Variants in RNF20 observed in about 807,000 individuals in gnomAD.
RNF20 encodes E3 ubiquitin-protein ligase BRE1A.
RNF20 carries 84 observed loss-of-function variants against 126.2 expected under a neutral mutation model. That is an observed-to-expected ratio of 0.67 (90% confidence interval 0.56 to 0.80). The LOEUF (loss-of-function observed/expected upper bound fraction) is 0.80. Ranked by LOEUF, RNF20 falls within the 30% of genes least tolerant of loss-of-function variation. RNF20 has a pLI of 0.00. For synonymous variants in RNF20, 400 were observed against 414.3 expected, an observed-to-expected ratio of 0.97 and a Z score of 0.42; for missense variants, 869 against 1,188.2, an observed-to-expected ratio of 0.73 and a Z score of 3.95.
chr9:101,549,648 A>T (rs534533327), intron 9 of RNF20, among the ~76,000 whole-genome samples: 1 of 152,202 alleles, frequency 6.6e-6, no homozygotes, highest in African/African-American at 2.4e-5. Flanking sequence ...CTACCGCTAG[A>T]CCACGGTCCA....
chr9:101,563,132 A>C lies in RNF20; in HGVS notation c.*710A>C, dbSNP rs1161817679. 2 of 152,590 alleles carry C rather than the reference A, an allele frequency of 1.3e-5. No homozygotes were observed. The highest frequency in any genetic ancestry group is 2.9e-5 in the Non-Finnish European group (2 of 68,024). The allele number at this position is 152,590 out of a possible 1,614,324, so 9.5% of individuals were successfully genotyped here. A position where few individuals can be genotyped will look rare whatever the true frequency, so the allele number is the denominator to read the frequency against. On this transcript the variant is annotated 3_prime_UTR_variant, in exon 20 of 20. Coordinates refer to ENST00000389120, the MANE Select transcript of RNF20 (RefSeq NM_019592.7). Reference sequence around the variant, plus strand: ...TGACCCTTTGTCTTCTAATGAAATAAAGATTGAAGAGGTTGAGTCAGGACT... The same window carrying C: ...TGACCCTTTGTCTTCTAATGAAATACAGATTGAAGAGGTTGAGTCAGGACT...
Position 101,557,529 on chromosome 9 carries a change from A to C in RNF20, c.2315A>C (p.Gln772Pro). Reference sequence around the variant, plus strand: ...ATGTCAGAGCGTATCAAGTCCAATCAGATCCATAAGTTGCTTAAAGAAGAG... The same window carrying C: ...ATGTCAGAGCGTATCAAGTCCAATCCGATCCATAAGTTGCTTAAAGAAGAG... ...KLMSERIKSN[Q>P]IHKLLKEEKE... The change falls in exon 16 of 20, where the codon CAG becomes CCG. Residue 772 changes from glutamine (Q) to proline (P), a missense_variant. Coordinates refer to ENST00000389120, the MANE Select transcript of RNF20 (RefSeq NM_019592.7). 6.2e-7 allele frequency: 1 copy of C among 1,614,080 alleles called. No individual in the cohort carries two copies. Among genetic ancestry groups the C allele is most frequent in the Non-Finnish European group, 8.5e-7 (1 of 1,179,936 alleles).
At chr9:101,551,188 T>C (rs1487463337) in intron 10 of RNF20, among the ~76,000 whole-genome samples, 1 of 152,170 alleles carries the variant, frequency 6.6e-6, no homozygotes, top group Admixed American at 6.5e-5. Flanking sequence ...ACAGCACATA[T>C]AAAGGTATGA....
chr9:101,540,653 G>A lies in RNF20; in HGVS notation c.445+16G>A. 6.2e-7 allele frequency: 1 copy of A among 1,613,440 alleles called. No homozygotes were observed. Among genetic ancestry groups the A allele is most frequent in the Middle Eastern group, 1.7e-4 (1 of 5,984 alleles). On this transcript the variant is annotated intron_variant, in intron 4 of 19. Transcript: ENST00000389120. ...CGAGAGAGAGGCAAGTGTTCGTGATGGATTCTATCACTGCATGCTATCTGG... is the reference window on the plus strand; with the variant it reads ...CGAGAGAGAGGCAAGTGTTCGTGATAGATTCTATCACTGCATGCTATCTGG...
At chr9:101,552,104 C>A in intron 11 of RNF20, 37 bp from the exon 12 acceptor site, 1 of 1,613,748 alleles carries the variant, frequency 6.2e-7, no homozygotes, top group Non-Finnish European at 8.5e-7. Context: ...TTGCCCTTAC[C>A]ACGGTTCCTC....
chr9:101,538,175 G>T (rs2118671175), intron 2 of RNF20, among the ~76,000 whole-genome samples: 1 of 152,232 alleles, frequency 6.6e-6, no homozygotes, highest in East Asian at 1.9e-4. Context: ...GCTTATAGAG[G>T]ACATGTAGGT....
rs928019585 is a variant in RNF20, at chr9:101,563,023, T to C, written c.*601T>C. On this transcript the variant is annotated 3_prime_UTR_variant, in exon 20 of 20. Transcript: ENST00000389120. ...AGTAACTTGTTAAGATCAGCTGGCT[T>C]TCTTGTTAAAGTTATTTAAGTTTTG... is the stretch of plus-strand genomic sequence containing the variant. The C allele has an allele frequency of 1.3e-5, 2 of 152,248 alleles. No homozygotes were observed. Among genetic ancestry groups the C allele is most frequent in the African/African-American group, 4.8e-5 (2 of 41,460 alleles). The allele number at this position is 152,248 out of a possible 1,614,324, so 9.4% of individuals were successfully genotyped here. A position where few individuals can be genotyped will look rare whatever the true frequency, so the allele number is the denominator to read the frequency against.
In RNF20 at chr9:101,540,554, T is replaced by G. The variant is rs1397597131; in HGVS notation, c.362T>G (p.Leu121Arg). 1.2e-6 allele frequency: 2 copies of G among 1,614,022 alleles called. No individual in the cohort carries two copies. ...YDLEQGLGDLLTERKALVVPE... is the reference protein window; with the variant it reads ...YDLEQGLGDLRTERKALVVPE... ...CTGGAGCAGGGCTTGGGAGACCTAC[T>G]CACAGAACGAAAAGCCCTTGTTGTG... Residue 121 changes from leucine to arginine, a missense_variant, in exon 4 of 20, where the codon CTC (leucine) becomes CGC (arginine). Coordinates refer to ENST00000389120, the MANE Select transcript of RNF20 (RefSeq NM_019592.7).
At chr9:101,546,174 G>T (rs1227295702) in intron 6 of RNF20, among the ~76,000 whole-genome samples, 1 of 152,092 alleles carries the variant, frequency 6.6e-6, no homozygotes, top group African/African-American at 2.4e-5. Flanking sequence ...GGATTTTTGT[G>T]TCATGTTTTA....
intron 9 of RNF20, among the ~76,000 whole-genome samples, chr9:101,549,171 C>A (rs890549427): frequency 6.6e-6 from 1 of 152,112 alleles, no homozygotes; most frequent in Non-Finnish European, 1.5e-5. Context: ...TTGCGGAGAC[C>A]GGTAGTGGCC....
intron 1 of RNF20, 76 bp from the exon 2 acceptor site, chr9:101,535,322 T>C: frequency 8.2e-7 from 1 of 1,219,874 alleles, no homozygotes; most frequent in Non-Finnish European, 1.1e-6. Flanking sequence ...AAGTTGCTAG[T>C]TTTTACTCTA....
rs769463018 is a variant in RNF20, at chr9:101,547,475, G to A, written c.1049G>A (p.Arg350Gln). ...QNRLCELEKL[R>Q]QDFEEVTTQN... ...CGTCTCTGTGAGCTGGAGAAACTTC[G>A]GCAAGACTTTGAGGAGGTCACTACA... The change falls in exon 9 of 20, where the codon CGG becomes CAG. Residue 350 changes from arginine to glutamine, a missense_variant. This residue lies in a region of RNF20 where 153 missense variants were observed against 226.4 expected (regional missense o/e 0.68). Coordinates refer to ENST00000389120, the MANE Select transcript of RNF20 (RefSeq NM_019592.7). 1.3e-5 allele frequency: 21 copies of A among 1,613,994 alleles called. No individual in the cohort carries two copies. The highest frequency in any genetic ancestry group is 1.0e-4 in the Admixed American group (6 of 59,996).
At chr9:101,552,864 A>T in intron 13 of RNF20, 111 bp downstream of exon 13, 1 of 1,112,998 alleles carries the variant, frequency 9.0e-7, no homozygotes, top group Non-Finnish European at 1.3e-6. Context: ...AATGTTTTAG[A>T]TTGTACAATT....
chr9:101,534,879 T>G (rs1827157322), intron 1 of RNF20, among the ~76,000 whole-genome samples: 1 of 152,116 alleles, frequency 6.6e-6, no homozygotes, highest in African/African-American at 2.4e-5. Context: ...ATTTAGAAAT[T>G]TATAGTCATG....
At chr9:101,534,019 C>T (rs976002682) in intron 1 of RNF20, 105 bp downstream of exon 1, 2 of 152,250 alleles carry the variant, frequency 1.3e-5, no homozygotes, top group Admixed American at 6.5e-5. Flanking sequence ...TCAGGAGTCT[C>T]CACCCTCTCC....
intron 5 of RNF20, 109 bp from the exon 6 acceptor site, chr9:101,544,658 G>T: frequency 1.4e-6 from 1 of 692,572 alleles, no homozygotes; most frequent in East Asian, 2.8e-5. Context: ...AGTGAGCCGA[G>T]ATCGCGCCAC....
At chr9:101,540,443 A>G (rs1472165765) in intron 3 of RNF20, 47 bp from the exon 4 acceptor site, 25 of 1,610,756 alleles carry the variant, frequency 1.6e-5, no homozygotes, top group Non-Finnish European at 2.1e-5. Context: ...CTTCATTTCC[A>G]AAGTTGTGTC....
chr9:101,547,779 G>A (rs75445152), intron 9 of RNF20, among the ~76,000 whole-genome samples: 1 of 152,158 alleles, frequency 6.6e-6, no homozygotes, highest in African/African-American at 2.4e-5. Flanking sequence ...ATCAGGAACA[G>A]GATAAAGATG....
chr9:101,551,610 G>C, intron 10 of RNF20, 74 bp from the exon 11 acceptor site: 1 of 672,552 alleles, frequency 1.5e-6, no homozygotes, highest in Non-Finnish European at 2.0e-6. Flanking sequence ...AATTTTCAGA[G>C]TAATCCATAG....
Sources: allele counts gnomAD v4.1 joint callset (sites outside exome capture counted in the v4.1 genomes callset), GRCh38; gene constraint gnomAD v4.1.1; regional missense constraint gnomAD v4.1.1; transcripts MANE v1.5; gene names NCBI Gene and HGNC (gene_info 2026-07-23, HGNC 2026-07-21).